Variants in RYR3 observed in about 807,000 individuals in gnomAD.
The protein encoded by RYR3 is ryanodine receptor 3.
Under a neutral mutation model 584.3 loss-of-function variants are expected in RYR3, and 207 were observed. The observed-to-expected ratio is 0.35, with a 90% CI of 0.32 to 0.40. The LOEUF is 0.40. RYR3 is among the 10% of genes least tolerant of loss of function. RYR3 has a pLI of 1.00. For missense variants in RYR3, 5,616 were observed against 6,089.2 expected (o/e 0.92, Z 2.59); for synonymous variants, 2,416 against 2,248.5 (o/e 1.07, Z -2.11).
At chr15:33,688,529 C>T (rs1431139328) in intron 38 of RYR3, among the ~76,000 whole-genome samples, 5 of 148,662 alleles carry the variant, frequency 3.4e-5, no homozygotes, top group African/African-American at 1.2e-4. Context: ...GCCAAGATTG[C>T]GCCACTGCAC....
chr15:33,731,737 G>A (rs1388752651), intron 48 of RYR3, 43 bp downstream of exon 48: 4 of 1,314,752 alleles, frequency 3.0e-6, no homozygotes, highest in African/African-American at 1.5e-5. Flanking sequence ...TATGCATCCA[G>A]GTCAACTGCA....
At chr15:33,320,020 C>T (rs912725930) in intron 1 of RYR3, among the ~76,000 whole-genome samples, 3 of 152,096 alleles carry the variant, frequency 2.0e-5, no homozygotes, top group African/African-American at 7.2e-5. Flanking sequence ...CTGATCTGTA[C>T]GTTCAAATAA....
Position 33,586,124 on chromosome 15 carries a change from T to G in RYR3, c.1788+8T>G, listed in dbSNP as rs768339371. 2.6e-6 allele frequency: 4 copies of G among 1,533,458 alleles called. No homozygotes were observed. Among genetic ancestry groups the G allele is most frequent in the Admixed American group, 1.7e-5 (1 of 59,906 alleles). 95.0% of individuals were successfully genotyped at this position (1,533,458 alleles called of 1,614,324 possible). A position where few individuals can be genotyped will look rare whatever the true frequency, so the allele number is the denominator to read the frequency against. ...CACGGGCGGAATCACAAGGTAGGTG[T>G]GGAAAGAACGGTGATTGACTTTGCC... On this transcript the variant is annotated splice_region_variant and intron_variant, in intron 16 of 103. Transcript: ENST00000634891.
intron 2 of RYR3, among the ~76,000 whole-genome samples, chr15:33,480,178 G>C (rs2049830814): frequency 6.6e-6 from 1 of 152,150 alleles, no homozygotes. Context: ...CTTTTGTATA[G>C]CTCTGTATAG....
At chr15:33,597,873 G>T (rs2059451499) in intron 16 of RYR3, among the ~76,000 whole-genome samples, 1 of 150,620 alleles carries the variant, frequency 6.6e-6, no homozygotes, top group South Asian at 2.1e-4. Flanking sequence ...GCCAATGGAA[G>T]TACATTTTAT....
intron 5 of RYR3, among the ~76,000 whole-genome samples, chr15:33,534,744 A>T (rs1039788002): frequency 9.9e-5 from 15 of 152,252 alleles, no homozygotes; most frequent in African/African-American, 3.6e-4. Context: ...GGCACATTTC[A>T]CATCAATTTT....
At chr15:33,754,507 A>G (rs2071623087) in intron 57 of RYR3, among the ~76,000 whole-genome samples, 1 of 152,120 alleles carries the variant, frequency 6.6e-6, no homozygotes. Flanking sequence ...AGATGTCCAT[A>G]TGGCTCACCT....
At chr15:33,834,323 C>G (rs553988470) in intron 86 of RYR3, among the ~76,000 whole-genome samples, 3 of 109,038 alleles carry the variant, frequency 2.8e-5, no homozygotes, top group East Asian at 3.3e-4. Context: ...CACACACACA[C>G]AGTGAGATTA....
intron 48 of RYR3, 25 bp from the exon 49 acceptor site, chr15:33,736,206 TTATC>T (rs2152829359): frequency 7.3e-7 from 1 of 1,377,242 alleles, no homozygotes; most frequent in Non-Finnish European, 1.0e-6. Flanking sequence ...TTCATTTTAT[TTATC>T]TACGTTTGTC....
intron 36 of RYR3, among the ~76,000 whole-genome samples, chr15:33,666,297 C>T (rs559197529): frequency 6.6e-6 from 1 of 152,304 alleles, no homozygotes; most frequent in African/African-American, 2.4e-5. Flanking sequence ...AGCCACTGTG[C>T]CCAGCCTCAC....
intron 89 of RYR3, among the ~76,000 whole-genome samples, chr15:33,839,252 C>T (rs1328107906): frequency 6.6e-6 from 1 of 152,172 alleles, no homozygotes; most frequent in Non-Finnish European, 1.5e-5. Flanking sequence ...GGTTAGTTCT[C>T]ATGCTGTGCA....
At chr15:33,648,961 A>G in intron 30 of RYR3, 111 bp from the exon 31 acceptor site, 2 of 1,084,904 alleles carry the variant, frequency 1.8e-6, no homozygotes, top group East Asian at 2.4e-5. Context: ...TTTTCCAGAA[A>G]AAAAAGGGGG....
chr15:33,703,974 A>T (rs563754377), intron 42 of RYR3, among the ~76,000 whole-genome samples: 5 of 152,180 alleles, frequency 3.3e-5, no homozygotes, highest in Non-Finnish European at 7.3e-5. Flanking sequence ...GCTTTTTAAC[A>T]TTCTGTTAAA....
At chr15:33,317,696 G>T (rs974998696) in intron 1 of RYR3, among the ~76,000 whole-genome samples, 8 of 152,148 alleles carry the variant, frequency 5.3e-5, no homozygotes, top group Non-Finnish European at 1.0e-4. Flanking sequence ...AGAAAACAAA[G>T]TTCAGATCAT....
At chr15:33,831,197 C>A in intron 86 of RYR3, 106 bp downstream of exon 86, 1 of 1,069,140 alleles carries the variant, frequency 9.4e-7, no homozygotes, top group Non-Finnish European at 1.3e-6. Flanking sequence ...CACTATCCAT[C>A]CAGCCCTAAT....
chr15:33,546,966 T>C lies in RYR3; in HGVS notation c.741-1164T>C, dbSNP rs76747788. Among the ~76,000 whole-genome samples, 197 of 152,300 alleles carry C rather than the reference T, an allele frequency of 1.3e-3. 1 individual carries two copies. Among genetic ancestry groups the C allele is most frequent in the Non-Finnish European group, 2.1e-3 (143 of 68,040 alleles). ...TTTAAGTTAGTGAATGTAAATGCAG[T>C]TAAATAATCAGTTTTGATCAGAGGT... is the stretch of plus-strand genomic sequence containing the variant. On this transcript the variant is annotated intron_variant, in intron 8 of 103. Transcript: ENST00000634891.
intron 12 of RYR3, among the ~76,000 whole-genome samples, chr15:33,570,826 G>A (rs2057986691): frequency 1.2e-5 from 1 of 85,286 alleles, no homozygotes; most frequent in Admixed American, 1.5e-4. Context: ...TCTTTTTGGT[G>A]CTACTACAAA....
intron 36 of RYR3, among the ~76,000 whole-genome samples, chr15:33,667,188 T>C (rs1226930838): frequency 1.2e-4 from 18 of 152,180 alleles, no homozygotes; most frequent in Admixed American, 1.2e-3. Context: ...TAATAAGAGA[T>C]TGCAAATTTT....
At chr15:33,405,435 A>G (rs150895886) in intron 1 of RYR3, among the ~76,000 whole-genome samples, 3 of 152,186 alleles carry the variant, frequency 2.0e-5, no homozygotes, top group Admixed American at 2.0e-4. Flanking sequence ...ACCTGGGACT[A>G]TGGGAGGTTT....
Sources: gnomAD v4.1 joint callset for allele counts (sites outside exome capture counted in the v4.1 genomes callset) on GRCh38, gnomAD v4.1.1 for gene constraint, MANE v1.5 for transcripts, NCBI Gene and HGNC (gene_info 2026-07-23, HGNC 2026-07-21) for gene names.